Variants in LRMDA observed in about 807,000 individuals in gnomAD.
The protein encoded by LRMDA is leucine rich melanocyte differentiation associated, also known as leucine-rich melanocyte differentiation-associated protein.
A neutral mutation model predicts 29.8 loss-of-function variants in LRMDA; 18 were observed. That is an observed-to-expected ratio of 0.60 (90% CI 0.42 to 0.90). LRMDA has a LOEUF of 0.90. Among genes scored for constraint, LRMDA ranks in the 40% least tolerant of loss-of-function variants. LRMDA has a pLI of 0.00. For missense variants in LRMDA, 273 were observed against 273.9 expected (o/e 1.00, Z 0.02); for synonymous variants, 125 against 109.4 (o/e 1.14, Z -0.89).
chr10:76,322,091 A>T (rs561446187), intron 5 of LRMDA, among the ~76,000 whole-genome samples: 1 of 152,246 alleles, frequency 6.6e-6, no homozygotes, highest in African/African-American at 2.4e-5. Flanking sequence ...TAAATTTTCT[A>T]TTACTGCATA....
intron 6 of LRMDA, among the ~76,000 whole-genome samples, chr10:76,414,599 C>T (rs1026183151): frequency 2.0e-5 from 3 of 152,126 alleles, no homozygotes; most frequent in African/African-American, 4.8e-5. Context: ...TCTTGTGGAA[C>T]GCTGTCATGA....
At chr10:75,875,331 C>T (rs1820687325) in intron 2 of LRMDA, among the ~76,000 whole-genome samples, 3 of 152,204 alleles carry the variant, frequency 2.0e-5, no homozygotes, top group South Asian at 2.1e-4. Context: ...AACACATCAG[C>T]GGTAGAATCA....
chr10:76,017,614 A>G lies in LRMDA; in HGVS notation c.132-18394A>G, dbSNP rs79140843. ...TACCTTCAGGAGTCTCCATTCTCTA[A>G]AAGGTGTCTGTGTGGGAAGGTATCT... On this transcript the variant is annotated intron_variant, in intron 2 of 6. Transcript: ENST00000611255. Among the ~76,000 whole-genome samples, 641 of 152,222 alleles carry G rather than the reference A, an allele frequency of 4.2e-3. 5 individuals carry two copies. The highest frequency in any genetic ancestry group is 6.6e-3 in the Non-Finnish European group (451 of 68,014).
At chr10:76,262,903 T>C (rs1224912116) in intron 5 of LRMDA, among the ~76,000 whole-genome samples, 1 of 152,268 alleles carries the variant, frequency 6.6e-6, no homozygotes, top group Non-Finnish European at 1.5e-5. Context: ...ACCAGCCATT[T>C]GCCCTTTCTT....
chr10:76,259,718 A>C (rs954267987), intron 5 of LRMDA, among the ~76,000 whole-genome samples: 14 of 151,830 alleles, frequency 9.2e-5, no homozygotes, highest in Non-Finnish European at 1.5e-4. Context: ...AGATCTAATA[A>C]TATTTGTTAC....
chr10:76,234,195 A>G (rs1852109620), intron 5 of LRMDA, among the ~76,000 whole-genome samples: 1 of 152,218 alleles, frequency 6.6e-6, no homozygotes, highest in East Asian at 1.9e-4. Flanking sequence ...ATCTCCTTGT[A>G]TATCTTCATC....
intron 5 of LRMDA, among the ~76,000 whole-genome samples, chr10:76,137,486 G>T (rs1193636589): frequency 6.6e-6 from 1 of 152,094 alleles, no homozygotes; most frequent in African/African-American, 2.4e-5. Context: ...GGAACTTAAG[G>T]TAGATGGAAT....
chr10:76,503,933 G>A (rs377332183), intron 6 of LRMDA, among the ~76,000 whole-genome samples: 1 of 150,314 alleles, frequency 6.7e-6, no homozygotes, highest in African/African-American at 2.4e-5. Flanking sequence ...TTAACTTGAG[G>A]TCTTTCTAAC....
intron 2 of LRMDA, among the ~76,000 whole-genome samples, chr10:75,536,545 C>G (rs1244414795): frequency 6.6e-6 from 1 of 152,138 alleles, no homozygotes; most frequent in Non-Finnish European, 1.5e-5. Flanking sequence ...TGTTCCTGCT[C>G]CACCCACTTG....
At chr10:75,854,186 C>T (rs1171347857) in intron 2 of LRMDA, among the ~76,000 whole-genome samples, 1 of 152,076 alleles carries the variant, frequency 6.6e-6, no homozygotes, top group Non-Finnish European at 1.5e-5. Context: ...GGATTTGTTT[C>T]TGAGGTTTGT....
At chr10:76,257,599 G>T (rs983838294) in intron 5 of LRMDA, among the ~76,000 whole-genome samples, 2 of 152,114 alleles carry the variant, frequency 1.3e-5, no homozygotes, top group African/African-American at 4.8e-5. Flanking sequence ...CTCCCAAAGT[G>T]CTGGGATTAC....
chr10:75,501,717 C>A (rs756471332), intron 2 of LRMDA, among the ~76,000 whole-genome samples: 49 of 152,208 alleles, frequency 3.2e-4, no homozygotes, highest in Non-Finnish European at 4.4e-4. Flanking sequence ...GGTCTCAGAC[C>A]AGATGCTAAT....
intron 5 of LRMDA, among the ~76,000 whole-genome samples, chr10:76,064,370 T>G (rs1194344616): frequency 6.6e-6 from 1 of 152,168 alleles, no homozygotes; most frequent in East Asian, 1.9e-4. Context: ...GGAGTCCTCC[T>G]TCTTTCTCAA....
chr10:75,553,149 G>C (rs1267032046), intron 2 of LRMDA, among the ~76,000 whole-genome samples: 1 of 152,110 alleles, frequency 6.6e-6, no homozygotes, highest in Non-Finnish European at 1.5e-5. Context: ...GCATATAAAA[G>C]AACAGTAGAG....
chr10:76,414,812 T>A lies in LRMDA; in HGVS notation c.601+90327T>A, dbSNP rs528476683. ...TGGATGCCAGAGAGGGCTTTAAAGG[T>A]GACTGCTAGATCACCAGCCTAGATA... On this transcript the variant is annotated intron_variant, in intron 6 of 6. Transcript: ENST00000611255. Among the ~76,000 whole-genome samples, 49 of 152,258 alleles carry A rather than the reference T, an allele frequency of 3.2e-4. 1 individual carries two copies. In the South Asian group the frequency reaches 9.9e-3, roughly 31 times the overall value.
At chr10:75,619,340 T>C (rs1232922792) in intron 2 of LRMDA, among the ~76,000 whole-genome samples, 1 of 152,186 alleles carries the variant, frequency 6.6e-6, no homozygotes, top group Admixed American at 6.5e-5. Flanking sequence ...GTACTGTTCC[T>C]TTGTGTATCT....
At chr10:75,785,451 C>T (rs1017155026) in intron 2 of LRMDA, among the ~76,000 whole-genome samples, 3 of 152,184 alleles carry the variant, frequency 2.0e-5, no homozygotes, top group Non-Finnish European at 2.9e-5. Flanking sequence ...TGAGAAGCGA[C>T]TGTGAAGCTG....
In LRMDA at chr10:76,542,054, C is replaced by CGTGT. The variant is rs34637437; in HGVS notation, c.602-15132_602-15129dup. On this transcript the variant is annotated intron_variant, in intron 6 of 6. Transcript: ENST00000611255. ...ACATGCATGCATGTAGGTGTGTGCA[C>CGTGT]GTGTGTGTGTGTGTGTGTGTGTGTG... is the stretch of plus-strand genomic sequence containing the variant. Among the ~76,000 whole-genome samples, 28 of 150,264 alleles carry CGTGT rather than the reference C, an allele frequency of 1.9e-4. 1 individual carries two copies. The South Asian group carries it at 2.5e-3, about 14-fold the overall frequency.
intron 5 of LRMDA, among the ~76,000 whole-genome samples, chr10:76,250,639 C>G (rs180764783): frequency 6.6e-6 from 1 of 152,196 alleles, no homozygotes; most frequent in African/African-American, 2.4e-5. Flanking sequence ...GACATTCTTT[C>G]TGATGAATAA....
Sources: gnomAD v4.1 joint callset for allele counts (sites outside exome capture counted in the v4.1 genomes callset) on GRCh38, gnomAD v4.1.1 for gene constraint, MANE v1.5 for transcripts, NCBI Gene and HGNC (gene_info 2026-07-23, HGNC 2026-07-21) for gene names.